Variants in DNAJC6 observed in about 807,000 individuals in gnomAD.
DNAJC6 encodes auxilin.
DNAJC6 carries 34 observed loss-of-function variants against 110.0 expected under a neutral mutation model. The observed-to-expected ratio is 0.31, with a 90% CI of 0.24 to 0.41. The LOEUF (loss-of-function observed/expected upper bound fraction) is 0.41. Among genes scored for constraint, DNAJC6 ranks in the 10% least tolerant of loss-of-function variants. The pLI is 1.00. For synonymous variants in DNAJC6, 406 were observed against 437.2 expected (o/e 0.93, Z 0.89); for missense variants, 1,031 against 1,207.8 (o/e 0.85, Z 2.17).
intron 1 of DNAJC6, among the ~76,000 whole-genome samples, chr1:65,339,978 C>G (rs1482261903): frequency 1.3e-5 from 2 of 152,200 alleles, no homozygotes; most frequent in African/African-American, 4.8e-5. Context: ...ATAAGTTGCA[C>G]AAATCACAAT....
intron 1 of DNAJC6, among the ~76,000 whole-genome samples, chr1:65,268,193 G>A (rs1653398357): frequency 6.6e-6 from 1 of 152,178 alleles, no homozygotes; most frequent in Non-Finnish European, 1.5e-5. Context: ...CATCACATGA[G>A]TGGTTCAGTA....
At chr1:65,356,294 A>G (rs988195181) in intron 1 of DNAJC6, among the ~76,000 whole-genome samples, 1 of 152,152 alleles carries the variant, frequency 6.6e-6, no homozygotes, top group African/African-American at 2.4e-5. Flanking sequence ...AAATTCTGAC[A>G]GGCATGGTGG....
chr1:65,407,523 A>G lies in DNAJC6; in HGVS notation c.2492-1118A>G, dbSNP rs573411035. 4.3e-4 allele frequency among the ~76,000 whole-genome samples: 66 copies of G among 152,228 alleles called. 1 individual carries two copies. The South Asian group carries it at 0.013, about 30-fold the overall frequency. ...CCCCTGCCCTTCATTGCTACCCTCT[A>G]CTGGCTAGAACACAGGTGCTCACAA... On this transcript the variant is annotated intron_variant, in intron 16 of 18. Coordinates refer to ENST00000371069, the MANE Select transcript of DNAJC6 (RefSeq NM_001256864.2).
At chr1:65,309,396 G>C (rs1162867799), upstream of DNAJC6, 1 of 269,124 alleles carries the variant, frequency 3.7e-6, no homozygotes, top group African/African-American at 2.3e-5. Context: ...ACACCTATAG[G>C]ATTGCTTCCG....
intron 18 of DNAJC6, among the ~76,000 whole-genome samples, chr1:65,412,414 A>T (rs1369709552): frequency 2.0e-5 from 3 of 152,112 alleles, no homozygotes; most frequent in Non-Finnish European, 4.4e-5. Context: ...GATGCATATG[A>T]TTTTCATCTC....
intron 1 of DNAJC6, among the ~76,000 whole-genome samples, chr1:65,277,558 G>A (rs1319910631): frequency 6.6e-6 from 1 of 152,076 alleles, no homozygotes; most frequent in East Asian, 1.9e-4. Context: ...TGTTGAGGGG[G>A]AGAAGTACAG....
At chr1:65,300,240 A>T (rs1308390592) in intron 1 of DNAJC6, among the ~76,000 whole-genome samples, 1 of 151,972 alleles carries the variant, frequency 6.6e-6, no homozygotes, top group Non-Finnish European at 1.5e-5. Context: ...GGCTCTCTGG[A>T]GCTCGGGGTT....
chr1:65,265,724 G>A (rs147083254), intron 1 of DNAJC6, among the ~76,000 whole-genome samples: 3 of 152,308 alleles, frequency 2.0e-5, no homozygotes, highest in Non-Finnish European at 4.4e-5. Context: ...GGACCCCTAG[G>A]TCTCCGGAGG....
At chr1:65,346,266 G>A (rs926436339) in intron 1 of DNAJC6, among the ~76,000 whole-genome samples, 6 of 152,134 alleles carry the variant, frequency 3.9e-5, no homozygotes, top group African/African-American at 1.4e-4. Context: ...GGCTGGCTTG[G>A]GATGGAATAC....
chr1:65,387,576 T>C (rs1645885117), intron 8 of DNAJC6, among the ~76,000 whole-genome samples: 1 of 152,240 alleles, frequency 6.6e-6, no homozygotes, highest in Non-Finnish European at 1.5e-5. Flanking sequence ...CTTCCTTCTC[T>C]CACTTAGAAT....
At position 65,309,574 on chromosome 1, in the gene DNAJC6, C is replaced by A; in HGVS notation, c.-172C>A. The stretch of plus-strand genomic sequence containing the variant: ...AGCTCAGCCCAGGGCGGCGGCTTCG[C>A]CTCGCCCGGCGAAGCTTCTCTCCGG... On this transcript the variant is annotated 5_prime_UTR_variant, in exon 1 of 19. Coordinates refer to ENST00000371069, the MANE Select transcript of DNAJC6 (RefSeq NM_001256864.2). The A allele has an allele frequency of 2.3e-6, 3 of 1,280,174 alleles. No homozygotes were observed. Among genetic ancestry groups the A allele is most frequent in the Non-Finnish European group, 3.0e-6 (3 of 1,016,706 alleles). 79.3% of individuals were successfully genotyped at this position (1,280,174 alleles called of 1,614,324 possible). A position where few individuals can be genotyped will look rare whatever the true frequency, so the allele number is the denominator to read the frequency against.
chr1:65,399,124 A>G (rs1467669809), intron 14 of DNAJC6, among the ~76,000 whole-genome samples: 4 of 152,200 alleles, frequency 2.6e-5, no homozygotes, highest in African/African-American at 9.7e-5. Context: ...TGACAATAGA[A>G]TCAGACGGAT....
At chr1:65,285,288 T>TA in intron 1 of DNAJC6, among the ~76,000 whole-genome samples, 1 of 152,312 alleles carries the variant, frequency 6.6e-6, no homozygotes, top group South Asian at 2.1e-4. Flanking sequence ...ATGTGGCCCC[T>TA]GAAATGCCTG....
intron 1 of DNAJC6, among the ~76,000 whole-genome samples, chr1:65,292,819 C>T (rs868841051): frequency 1.2e-4 from 18 of 152,116 alleles, no homozygotes; most frequent in African/African-American, 4.3e-4. Flanking sequence ...AGCATACATT[C>T]AGGTCACAAT....
At chr1:65,399,911 T>A (rs1646014524) in intron 14 of DNAJC6, among the ~76,000 whole-genome samples, 1 of 152,168 alleles carries the variant, frequency 6.6e-6, no homozygotes, top group Non-Finnish European at 1.5e-5. Flanking sequence ...TGGGGCGTGG[T>A]GGCTCACGCT....
At position 65,344,239 on chromosome 1, in the gene DNAJC6, T is replaced by C. The variant is rs79373769; in HGVS notation, c.194-20396T>C. Among the ~76,000 whole-genome samples the C allele has an allele frequency of 5.3e-5, 8 of 152,312 alleles. No homozygotes were observed. In the East Asian group the frequency reaches 1.5e-3, roughly 29 times the overall value. On this transcript the variant is annotated intron_variant, in intron 1 of 18. Transcript: ENST00000371069. ...CTCCAGGGGTCCTTACAATAATGAA[T>C]GATGGCAAAGAGTCAAAGATAGGAT...
At chr1:65,363,878 G>A (rs1645620879) in intron 1 of DNAJC6, among the ~76,000 whole-genome samples, 1 of 152,136 alleles carries the variant, frequency 6.6e-6, no homozygotes, top group African/African-American at 2.4e-5. Context: ...TGAAATATTT[G>A]ACAGATAGCA....
chr1:65,403,703 G>A (rs1282829226), intron 15 of DNAJC6, among the ~76,000 whole-genome samples: 1 of 152,188 alleles, frequency 6.6e-6, no homozygotes, highest in Non-Finnish European at 1.5e-5. Flanking sequence ...GGACTGCAGT[G>A]GTCTCTGGAT....
chr1:65,324,194 G>C (rs1412280612), intron 1 of DNAJC6, among the ~76,000 whole-genome samples: 3 of 151,230 alleles, frequency 2.0e-5, no homozygotes, highest in Non-Finnish European at 4.4e-5. Flanking sequence ...TTATTTTTTT[G>C]AGACAGGGTC....
Sources: allele counts gnomAD v4.1 joint callset (sites outside exome capture counted in the v4.1 genomes callset), GRCh38; gene constraint gnomAD v4.1.1; transcripts MANE v1.5; gene names NCBI Gene and HGNC (gene_info 2026-07-23, HGNC 2026-07-21).